Variants in RBMS3 observed in about 807,000 individuals in gnomAD.
RBMS3 encodes RNA binding motif single stranded interacting protein 3.
In RBMS3, 27 loss-of-function variants were observed where a neutral mutation model predicts 66.8. That is an observed-to-expected ratio of 0.40 (90% CI 0.30 to 0.56). The LOEUF is 0.56. Among genes scored for constraint, RBMS3 ranks in the 20% least tolerant of loss-of-function variants. RBMS3 has a pLI of 0.40. For synonymous variants in RBMS3, 188 were observed against 183.0 expected, an observed-to-expected ratio of 1.03 and a Z score of -0.22; for missense variants, 513 against 549.5, an observed-to-expected ratio of 0.93 and a Z score of 0.66.
intron 1 of RBMS3, among the ~76,000 whole-genome samples, chr3:29,432,300 A>C (rs528594449): frequency 6.6e-6 from 1 of 152,298 alleles, no homozygotes; most frequent in Non-Finnish European, 1.5e-5. Flanking sequence ...CAACATTGAA[A>C]GATATGGGGT....
At chr3:29,969,505 T>A (rs1697083702) in intron 12 of RBMS3, among the ~76,000 whole-genome samples, 1 of 152,216 alleles carries the variant, frequency 6.6e-6, no homozygotes, top group African/African-American at 2.4e-5. Flanking sequence ...ATCTGACAAA[T>A]CTATGTCCTC....
Position 29,587,228 on chromosome 3 carries a change from T to TTTTTTTG in RBMS3, c.399+29_399+30insGTTTTTT, listed in dbSNP as rs1553626512. On this transcript the variant is annotated intron_variant, in intron 4 of 14. Transcript: ENST00000383767. ...AAGGTAAGATTGATGTTTAGGGGTG[T>TTTTTTTG]TTTTTTTTTTTTTTTTTTTTTGTGT... 9 of 329,796 alleles carry TTTTTTTG rather than the reference T, an allele frequency of 2.7e-5. No homozygotes were observed. The Admixed American group carries it at 7.4e-4, about 27-fold the overall frequency. The allele number at this position is 329,796 out of a possible 1,614,324, so 20.4% of individuals were successfully genotyped here. A position where few individuals can be genotyped will look rare whatever the true frequency, so the allele number is the denominator to read the frequency against.
At chr3:29,438,423 G>A (rs2041483050) in intron 2 of RBMS3, among the ~76,000 whole-genome samples, 1 of 152,026 alleles carries the variant, frequency 6.6e-6, no homozygotes, top group South Asian at 2.1e-4. Flanking sequence ...TAATGCTAAT[G>A]AACGGTAAGA....
At chr3:29,323,504 AT>A (rs555962379) in intron 1 of RBMS3, among the ~76,000 whole-genome samples, 52 of 152,236 alleles carry the variant, frequency 3.4e-4, no homozygotes, top group African/African-American at 1.2e-3. Flanking sequence ...TATTTATATT[AT>A]TTTGATCTTT....
chr3:29,560,874 G>T (rs2046525952), intron 3 of RBMS3, among the ~76,000 whole-genome samples: 1 of 152,064 alleles, frequency 6.6e-6, no homozygotes, highest in Non-Finnish European at 1.5e-5. Flanking sequence ...ATTTTTCCTG[G>T]TTCTCTTCTT....
chr3:29,991,328 A>G (rs1287538916), intron 14 of RBMS3, 119 bp downstream of exon 14: 7 of 1,503,460 alleles, frequency 4.7e-6, no homozygotes, highest in Admixed American at 3.9e-5. Flanking sequence ...AGCAACAGGC[A>G]TTTATTTAGC....
chr3:29,960,105 C>T (rs918903823), intron 12 of RBMS3, among the ~76,000 whole-genome samples: 3 of 152,162 alleles, frequency 2.0e-5, no homozygotes, highest in African/African-American at 7.2e-5. Context: ...AGGGAAATTC[C>T]TTCCACCTAT....
At chr3:29,696,972 C>G in intron 4 of RBMS3, 3 of 984,858 alleles carry the variant, frequency 3.0e-6, no homozygotes, top group Non-Finnish European at 3.6e-6. Flanking sequence ...GTAGGTACCC[C>G]TAGTAGTTGT....
In RBMS3 at chr3:29,497,431, A is replaced by T. The variant is rs79202652; in HGVS notation, c.307+8932A>T. On this transcript the variant is annotated intron_variant, in intron 3 of 14. Transcript: ENST00000383767. ...TTTTACTAATCCATGTTATCTGACTAAACAGAAACTGTCGTCCAGGTATTC... is the reference window on the plus strand; with the variant it reads ...TTTTACTAATCCATGTTATCTGACTTAACAGAAACTGTCGTCCAGGTATTC... Among the ~76,000 whole-genome samples the T allele has an allele frequency of 5.2e-4, 79 of 152,362 alleles. 2 individuals are homozygous for T. The East Asian group carries it at 0.014, about 27-fold the overall frequency.
intron 4 of RBMS3, among the ~76,000 whole-genome samples, chr3:29,678,271 A>G (rs189174805): frequency 1.3e-5 from 2 of 152,292 alleles, no homozygotes; most frequent in Non-Finnish European, 2.9e-5. Flanking sequence ...TATATGTTAA[A>G]TAGGAGTTTT....
intron 4 of RBMS3, among the ~76,000 whole-genome samples, chr3:29,724,008 T>TAA (rs146519996): frequency 6.9e-6 from 1 of 144,772 alleles, no homozygotes; most frequent in Non-Finnish European, 1.5e-5. Context: ...AATTGCTCCT[T>TAA]AAAAAAAAAA....
At chr3:29,323,439 A>G (rs865953584) in intron 1 of RBMS3, among the ~76,000 whole-genome samples, 14 of 152,148 alleles carry the variant, frequency 9.2e-5, no homozygotes, top group African/African-American at 3.4e-4. Context: ...TGATTTAATA[A>G]TTTGGCAAAC....
At chr3:29,378,114 T>A (rs151269080) in intron 1 of RBMS3, among the ~76,000 whole-genome samples, 1 of 152,294 alleles carries the variant, frequency 6.6e-6, no homozygotes, top group East Asian at 1.9e-4. Context: ...AGCTTAGAGA[T>A]CTTGGACAAG....
intron 4 of RBMS3, among the ~76,000 whole-genome samples, chr3:29,647,882 A>G (rs180686948): frequency 4.3e-4 from 65 of 152,300 alleles, no homozygotes; most frequent in Non-Finnish European, 7.6e-4. Context: ...TCCAATCTCA[A>G]TTATAAAGAA....
chr3:29,628,830 T>C (rs937074613), intron 4 of RBMS3, among the ~76,000 whole-genome samples: 3 of 152,132 alleles, frequency 2.0e-5, no homozygotes, highest in Non-Finnish European at 4.4e-5. Context: ...ATAAGCAAAT[T>C]AAGGTAAATC....
rs1327943954 is a variant in RBMS3 at position 29,688,518 on chromosome 3, C to T, written c.400-51202C>T. Among the ~76,000 whole-genome samples, 4 of 132,424 alleles carry T rather than the reference C, an allele frequency of 3.0e-5. No homozygotes were observed. The South Asian group carries it at 7.4e-4, about 25-fold the overall frequency. The allele number at this position is 132,424 out of a possible 152,430, so 86.9% of individuals were successfully genotyped here. On this transcript the variant is annotated intron_variant, in intron 4 of 14. Transcript: ENST00000383767. The stretch of plus-strand genomic sequence containing the variant: ...TGGTTTAGTATATAAATTTGTTTTT[C>T]GTTTTGATTAATGTAAATAGTCACA...
chr3:29,613,815 A>G (rs1174718809), intron 4 of RBMS3, among the ~76,000 whole-genome samples: 2 of 152,140 alleles, frequency 1.3e-5, no homozygotes, highest in Non-Finnish European at 2.9e-5. Flanking sequence ...TACCTGTCAG[A>G]ATGGCTATTC....
chr3:29,424,200 G>A (rs902099458), intron 1 of RBMS3, among the ~76,000 whole-genome samples: 2 of 152,166 alleles, frequency 1.3e-5, no homozygotes, highest in Admixed American at 1.3e-4. Flanking sequence ...TATAATTTTA[G>A]GTGATCCTTG....
At chr3:29,660,026 T>A (rs1315682574) in intron 4 of RBMS3, among the ~76,000 whole-genome samples, 1 of 152,210 alleles carries the variant, frequency 6.6e-6, no homozygotes, top group Non-Finnish European at 1.5e-5. Flanking sequence ...ATCGTTTTTA[T>A]TGTGCAAGAC....
Sources: allele counts gnomAD v4.1 joint callset (sites outside exome capture counted in the v4.1 genomes callset), GRCh38; gene constraint gnomAD v4.1.1; transcripts MANE v1.5; gene names NCBI Gene and HGNC (gene_info 2026-07-23, HGNC 2026-07-21).